The following EHBP1 variants were observed in gnomAD, a reference collection of about 807,000 sequenced individuals.
The protein encoded by EHBP1 is EH domain-binding protein 1.
A neutral mutation model predicts 144.0 loss-of-function variants in EHBP1; 55 were observed. The observed-to-expected ratio is 0.38, with a 90% CI of 0.31 to 0.48. The LOEUF (loss-of-function observed/expected upper bound fraction) is 0.48. Ranked by LOEUF, EHBP1 falls within the 20% of genes least tolerant of loss-of-function variation. The pLI, the probability that EHBP1 is intolerant of heterozygous loss-of-function variation, is 0.98. For missense variants in EHBP1, 1,200 were observed against 1,364.2 expected, an observed-to-expected ratio of 0.88 and a Z score of 1.90; for synonymous variants, 469 against 472.7, an observed-to-expected ratio of 0.99 and a Z score of 0.10.
At position 62,989,004 on chromosome 2, in the gene EHBP1, A is replaced by C. The variant is rs140577664; in HGVS notation, c.2609-1712A>C. 1.2e-4 allele frequency among the ~76,000 whole-genome samples: 19 copies of C among 152,288 alleles called. No homozygotes were observed. The South Asian group carries it at 2.5e-3, about 20-fold the overall frequency. On this transcript the variant is annotated intron_variant, in intron 15 of 22. Coordinates refer to ENST00000431489, the MANE Select transcript of EHBP1 (RefSeq NM_001142616.3). ...CTATAACGAACACTCAAGAAAACTC[A>C]TGCCCTTTTGTCAGTAGCTCCTTCA...
intron 14 of EHBP1, among the ~76,000 whole-genome samples, chr2:62,962,422 T>A (rs2058048184): frequency 6.6e-6 from 1 of 152,256 alleles, no homozygotes; most frequent in Non-Finnish European, 1.5e-5. Flanking sequence ...AAAATGCATT[T>A]AATAAGCCCA....
chr2:62,917,643 A>C (rs1181244192), intron 10 of EHBP1, among the ~76,000 whole-genome samples: 2 of 152,140 alleles, frequency 1.3e-5, no homozygotes, highest in Non-Finnish European at 2.9e-5. Context: ...TATATGATTT[A>C]GTTATATTAA....
chr2:62,882,129 G>A (rs2051484560), intron 10 of EHBP1, among the ~76,000 whole-genome samples: 1 of 152,178 alleles, frequency 6.6e-6, no homozygotes, highest in Non-Finnish European at 1.5e-5. Context: ...TTAAATGCCA[G>A]ACTTCTGAAA....
Position 62,748,471 on chromosome 2 carries a change from T to C in EHBP1, c.162+1019T>C, listed in dbSNP as rs527577656. Reference sequence around the variant, plus strand: ...GAATTTAAGACCAGCCTGGGAAACATAGTGAGACCCCATATCTACAAAAAC... The same window carrying C: ...GAATTTAAGACCAGCCTGGGAAACACAGTGAGACCCCATATCTACAAAAAC... On this transcript the variant is annotated intron_variant, in intron 3 of 22. Transcript: ENST00000431489. 9.9e-5 allele frequency among the ~76,000 whole-genome samples: 15 copies of C among 152,092 alleles called. No individual in the cohort carries two copies. The East Asian group carries it at 1.5e-3, about 16-fold the overall frequency.
At chr2:62,997,481 ATGC>A (rs1350549795) in intron 19 of EHBP1, among the ~76,000 whole-genome samples, 2 of 148,190 alleles carry the variant, frequency 1.3e-5, no homozygotes, top group Non-Finnish European at 3.0e-5. Flanking sequence ...TGTGTGTAAA[ATGC>A]TGCCCCTACA....
intron 19 of EHBP1, among the ~76,000 whole-genome samples, chr2:63,031,886 G>C (rs1037987289): frequency 1.3e-5 from 2 of 152,108 alleles, no homozygotes; most frequent in Non-Finnish European, 2.9e-5. Flanking sequence ...CTGAGATCGT[G>C]TCACTGCACT....
chr2:62,700,155 C>T (rs749739037), intron 1 of EHBP1, among the ~76,000 whole-genome samples: 15 of 151,714 alleles, frequency 9.9e-5, no homozygotes, highest in Middle Eastern at 3.4e-3. Flanking sequence ...AACTTGGGTC[C>T]TATAATGATA....
At chr2:62,712,808 G>A (rs1420571418) in intron 2 of EHBP1, among the ~76,000 whole-genome samples, 1 of 152,114 alleles carries the variant, frequency 6.6e-6, no homozygotes, top group Non-Finnish European at 1.5e-5. Flanking sequence ...TGAGATGCTT[G>A]ATTTTGAGGA....
Position 63,045,138 on chromosome 2 carries a change from A to G in EHBP1, c.3350A>G (p.Lys1117Arg), listed in dbSNP as rs1304333854. Residue 1117 changes from lysine to arginine, a missense_variant, in exon 22 of 23, where the codon AAG (lysine) becomes AGG (arginine). Lys to Arg is a conservative substitution (Grantham distance 26). This residue lies in a region of EHBP1 where 149 missense variants were observed against 217.0 expected (regional missense o/e 0.69). Transcript: ENST00000431489. This position sits in a 1 kb window ranked among gnomAD's most constrained non-coding sequence, Gnocchi z 5.7. ...LLDELVALVN[K>R]RDALVRDLDA... ...GATGAGCTGGTGGCCCTGGTGAACA[A>G]GCGCGATGCGCTCGTCAGGGACCTG... The G allele has an allele frequency of 6.3e-7, 1 of 1,597,486 alleles. No individual in the cohort carries two copies. The highest frequency in any genetic ancestry group is 1.7e-5 in the Admixed American group (1 of 58,018).
chr2:62,726,497 AG>A (rs1444907578), intron 2 of EHBP1: 2 of 152,314 alleles, frequency 1.3e-5, no homozygotes, highest in Non-Finnish European at 2.9e-5. Context: ...GGCATGTGCC[AG>A]TCATTTCAAT....
intron 5 of EHBP1, among the ~76,000 whole-genome samples, chr2:62,817,626 T>C (rs2045544912): frequency 6.6e-6 from 1 of 152,174 alleles, no homozygotes; most frequent in Non-Finnish European, 1.5e-5. Flanking sequence ...AGGATCATCA[T>C]AGTTTCTGTG....
chr2:62,977,210 C>T (rs189811093), intron 14 of EHBP1, among the ~76,000 whole-genome samples: 2 of 151,890 alleles, frequency 1.3e-5, no homozygotes, highest in Admixed American at 1.3e-4. Context: ...AAACAAAGCC[C>T]GGCAGTGGTC....
chr2:62,734,182 G>A (rs2037882259), intron 2 of EHBP1, among the ~76,000 whole-genome samples: 1 of 151,586 alleles, frequency 6.6e-6, no homozygotes, highest in African/African-American at 2.4e-5. Flanking sequence ...CTTTGTTTAT[G>A]TTGTTTTTCA....
intron 2 of EHBP1, among the ~76,000 whole-genome samples, chr2:62,727,657 A>T (rs192955873): frequency 1.3e-3 from 204 of 152,334 alleles, no homozygotes; most frequent in Non-Finnish European, 2.1e-3. Context: ...ATTGCTGAAT[A>T]ATCTATTATA....
At chr2:62,796,138 T>C (rs1339382308) in intron 5 of EHBP1, among the ~76,000 whole-genome samples, 1 of 151,964 alleles carries the variant, frequency 6.6e-6, no homozygotes, top group Non-Finnish European at 1.5e-5. Flanking sequence ...AAATGGAGCT[T>C]GGCATTTAAT....
At chr2:63,037,168 A>C (rs139430699) in intron 19 of EHBP1, among the ~76,000 whole-genome samples, 54 of 151,950 alleles carry the variant, frequency 3.6e-4, no homozygotes, top group Admixed American at 2.4e-3. Flanking sequence ...TATGAGTCTC[A>C]TAATGATTTT....
At chr2:62,957,641 C>CTGTT (rs2057769348) in intron 14 of EHBP1, among the ~76,000 whole-genome samples, 1 of 87,174 alleles carries the variant, frequency 1.1e-5, no homozygotes, top group Non-Finnish European at 2.0e-5. Context: ...AAAATAAATG[C>CTGTT]TTTTTTTTTT....
At chr2:62,756,698 G>A (rs2040314236) in intron 3 of EHBP1, among the ~76,000 whole-genome samples, 1 of 151,444 alleles carries the variant, frequency 6.6e-6, no homozygotes. Context: ...AACCCGGGTG[G>A]TGGAGGTTGC....
chr2:62,814,473 A>G (rs538914946), intron 5 of EHBP1, among the ~76,000 whole-genome samples: 2 of 152,394 alleles, frequency 1.3e-5, no homozygotes, highest in African/African-American at 2.4e-5. Flanking sequence ...CACAGCCAGC[A>G]TTAATCTACT....
Sources: allele counts gnomAD v4.1 joint callset (sites outside exome capture counted in the v4.1 genomes callset), GRCh38; gene constraint gnomAD v4.1.1; regional missense constraint gnomAD v4.1.1; non-coding constraint Gnocchi (gnomAD v3.1); transcripts MANE v1.5; gene names NCBI Gene and HGNC (gene_info 2026-07-23, HGNC 2026-07-21).